Variants in LAMB1 observed in about 807,000 individuals in gnomAD.
The protein encoded by LAMB1 is laminin subunit beta 1, also known as laminin subunit beta-1.
In LAMB1, 121 loss-of-function variants were observed where a neutral mutation model predicts 222.3. The observed-to-expected ratio is 0.54, with a 90% CI of 0.47 to 0.63. The LOEUF (loss-of-function observed/expected upper bound fraction) is 0.63, where lower values mean the gene tolerates loss of function less well. Among genes scored for constraint, LAMB1 ranks in the 30% least tolerant of loss-of-function variants. The pLI is 0.00. For synonymous variants in LAMB1, 794 were observed against 807.2 expected (o/e 0.98, Z 0.28); for missense variants, 2,172 against 2,240.8 (o/e 0.97, Z 0.62).
chr7:107,941,058 A>C (rs547836764), intron 24 of LAMB1, among the ~76,000 whole-genome samples: 1 of 152,360 alleles, frequency 6.6e-6, no homozygotes, highest in African/African-American at 2.4e-5. Flanking sequence ...TGTGATGACC[A>C]CTGCCAGTAC....
intron 3 of LAMB1, among the ~76,000 whole-genome samples, chr7:107,999,111 T>C (rs2034333976): frequency 6.6e-6 from 1 of 152,240 alleles, no homozygotes; most frequent in East Asian, 1.9e-4. Context: ...CCACGCCATG[T>C]TGGGCCCACT....
At chr7:107,940,557 G>A in intron 24 of LAMB1, 199 bp from the exon 25 acceptor site, 1 of 585,772 alleles carries the variant, frequency 1.7e-6, no homozygotes, top group Non-Finnish European at 3.0e-6. Flanking sequence ...CCCCTTCTTA[G>A]CAGTAATAAT....
intron 32 of LAMB1, 131 bp downstream of exon 32, chr7:107,926,052 A>G: frequency 1.5e-6 from 1 of 682,152 alleles, no homozygotes; most frequent in East Asian, 2.5e-5. Context: ...CGGCTGTTGC[A>G]AAACAGGTCA....
chr7:107,968,784 G>C (rs911547002), intron 13 of LAMB1, among the ~76,000 whole-genome samples: 1 of 152,192 alleles, frequency 6.6e-6, no homozygotes, highest in Non-Finnish European at 1.5e-5. Flanking sequence ...GCTGGAAACA[G>C]ATTCTCCTTT....
chr7:107,994,020 C>T (rs1010447983), intron 5 of LAMB1, among the ~76,000 whole-genome samples: 3 of 152,196 alleles, frequency 2.0e-5, no homozygotes, highest in African/African-American at 7.2e-5. Context: ...CATGGCTACC[C>T]GCCCACATGG....
chr7:107,923,921 T>A lies in LAMB1; in HGVS notation c.*30A>T, dbSNP rs7561. 1 of 1,581,570 alleles carries A rather than the reference T, an allele frequency of 6.3e-7. No homozygotes were observed. The highest frequency in any genetic ancestry group is 1.2e-5 in the South Asian group (1 of 85,730). On this transcript the variant is annotated 3_prime_UTR_variant, in exon 34 of 34. Transcript: ENST00000222399. ...TTTAAAATGTAGTTGTTTTACCTTG[T>A]TCACCTCAGCCATTTTTTATTCTCC...
chr7:107,980,998 T>C (rs906293230), intron 7 of LAMB1, among the ~76,000 whole-genome samples, 187 bp from the exon 8 acceptor site: 2 of 152,182 alleles, frequency 1.3e-5, no homozygotes, highest in African/African-American at 4.8e-5. Context: ...GAGGAAAGGT[T>C]ACTGCCCTCT....
At chr7:107,976,605 C>G (rs1489498364) in intron 9 of LAMB1, among the ~76,000 whole-genome samples, 1 of 152,152 alleles carries the variant, frequency 6.6e-6, no homozygotes, top group Admixed American at 6.5e-5. Flanking sequence ...CCTGTCTCCC[C>G]CTGCAACACA....
At chr7:107,926,503 A>G (rs2032571020) in intron 31 of LAMB1, 144 bp from the exon 32 acceptor site, 2 of 630,176 alleles carry the variant, frequency 3.2e-6, no homozygotes, top group Non-Finnish European at 5.4e-6. Context: ...ATATTTCAGG[A>G]AAAGTTACAT....
chr7:107,960,500 A>G lies in LAMB1; in HGVS notation c.2259T>C (p.Asp753=), dbSNP rs769388630. Residue 753 remains aspartate, a synonymous_variant, in exon 18 of 34, where the codon GAT becomes GAC. Coordinates refer to ENST00000222399, the MANE Select transcript of LAMB1 (RefSeq NM_002291.3). ...SRSVVKTPMT[D]VCRNIIFSIS... is the part of the protein sequence containing the mutation. ...TGCTAAAGATGATGTTTCTGCAAAC[A>G]TCTGTCATCGGTGTTTTCACAACGC... The G allele has an allele frequency of 2.5e-6, 4 of 1,614,182 alleles. No individual in the cohort carries two copies. The South Asian group carries it at 4.4e-5, about 18-fold the overall frequency.
chr7:107,930,504 A>G (rs1167435231), intron 29 of LAMB1, among the ~76,000 whole-genome samples: 1 of 152,212 alleles, frequency 6.6e-6, no homozygotes, highest in Non-Finnish European at 1.5e-5. Context: ...AGTCAGGTAA[A>G]ATTATCAACC....
intron 24 of LAMB1, among the ~76,000 whole-genome samples, chr7:107,941,740 T>A (rs2032986499): frequency 6.8e-6 from 1 of 146,172 alleles, no homozygotes; most frequent in Non-Finnish European, 1.5e-5. Context: ...CTGCAACCTC[T>A]GCCTCCTGGC....
chr7:107,995,781 T>C (rs773610199), intron 4 of LAMB1, among the ~76,000 whole-genome samples: 12 of 152,124 alleles, frequency 7.9e-5, no homozygotes, highest in Non-Finnish European at 1.8e-4. Flanking sequence ...ACGCTTCTTG[T>C]GTTTGAGAGA....
chr7:107,950,249 G>C (rs188757917), intron 24 of LAMB1, among the ~76,000 whole-genome samples: 70 of 151,362 alleles, frequency 4.6e-4, no homozygotes, highest in African/African-American at 1.6e-3. Flanking sequence ...AAAAATTCAA[G>C]AGTCCAACAG....
intron 25 of LAMB1, among the ~76,000 whole-genome samples, chr7:107,938,039 G>T (rs922987446): frequency 6.6e-6 from 1 of 152,098 alleles, no homozygotes; most frequent in African/African-American, 2.4e-5. Flanking sequence ...GCTCCAGGTG[G>T]GTGTGGGTAG....
At chr7:107,946,189 A>G (rs543859548) in intron 24 of LAMB1, among the ~76,000 whole-genome samples, 1 of 152,244 alleles carries the variant, frequency 6.6e-6, no homozygotes, top group African/African-American at 2.4e-5. Context: ...ATCTGCTGCA[A>G]TGCCAAGAAT....
Position 107,986,180 on chromosome 7 carries a change from C to A in LAMB1, c.607G>T (p.Gly203Ter). 6.2e-7 allele frequency: 1 copy of A among 1,613,810 alleles called. No individual in the cohort carries two copies. The change falls in exon 6 of 34, where the codon GGA becomes TGA. Residue 203 changes from glycine to a stop codon, truncating the protein, a stop_gained. Coordinates refer to ENST00000222399, the MANE Select transcript of LAMB1 (RefSeq NM_002291.3). LOFTEE classifies it high-confidence loss of function. ...RYSDIEPSTEGEVIFRALDPA... is the reference protein window; with the variant it reads ...RYSDIEPSTE ...AAACACAGAAGCAAACAAACCTCTC[C>A]TTCAGTTGAGGGTTCAATGTCAGAA...
Position 107,964,686 on chromosome 7 carries a change from A to C in LAMB1, c.1564T>G (p.Cys522Gly). 1.2e-6 allele frequency: 2 copies of C among 1,614,150 alleles called. No individual in the cohort carries two copies. Among genetic ancestry groups the C allele is most frequent in the Non-Finnish European group, 1.7e-6 (2 of 1,180,012 alleles). The change falls in exon 14 of 34, where the codon TGC becomes GGC. Residue 522 changes from cysteine (C) to glycine (G), a missense_variant and splice_region_variant. Coordinates refer to ENST00000222399, the MANE Select transcript of LAMB1 (RefSeq NM_002291.3). Reference sequence around the variant, plus strand: ...GAGCACTGGCCTGACTCCGCAAAGCAACTGGAAGGGAGGAGGAGCCACATC... The same window carrying C: ...GAGCACTGGCCTGACTCCGCAAAGCCACTGGAAGGGAGGAGGAGCCACATC... ...CDLGGALNNS[C>G]FAESGQCSCR...
At chr7:107,926,413 A>G (rs747737618) in intron 31 of LAMB1, 54 bp from the exon 32 acceptor site, 44 of 1,481,130 alleles carry the variant, frequency 3.0e-5, no homozygotes, top group South Asian at 5.8e-5. Context: ...TGGAATTACT[A>G]TGAGTACAAG....
Sources: gnomAD v4.1 joint callset for allele counts (sites outside exome capture counted in the v4.1 genomes callset) on GRCh38, gnomAD v4.1.1 for gene constraint, MANE v1.5 for transcripts, NCBI Gene and HGNC (gene_info 2026-07-23, HGNC 2026-07-21) for gene names.